Variants in SPIDR observed in about 807,000 individuals in gnomAD.
SPIDR encodes DNA repair-scaffolding protein.
SPIDR carries 93 observed loss-of-function variants against 104.6 expected under a neutral mutation model. The observed-to-expected ratio is 0.89, with a 90% CI of 0.75 to 1.06. The LOEUF is 1.06. SPIDR is among the 50% of genes least tolerant of loss of function. SPIDR has a pLI of 0.00. For missense variants in SPIDR, 1,154 were observed against 1,111.2 expected (o/e 1.04, Z -0.55); for synonymous variants, 431 against 416.9 (o/e 1.03, Z -0.41).
intron 14 of SPIDR, among the ~76,000 whole-genome samples, chr8:47,707,346 A>C (rs117514260): frequency 0.027 from 4,076 of 152,172 alleles, 283 homozygotes; most frequent in Admixed American, 0.15. Flanking sequence ...AATGTTGAAC[A>C]TCTTTTCATG....
intron 8 of SPIDR, among the ~76,000 whole-genome samples, chr8:47,540,479 A>G (rs1387329042): frequency 2.0e-5 from 3 of 152,214 alleles, no homozygotes; most frequent in African/African-American, 4.8e-5. Context: ...CAAAATGACA[A>G]TAAAATATTT....
intron 8 of SPIDR, among the ~76,000 whole-genome samples, chr8:47,557,413 G>A (rs1378806262): frequency 6.6e-6 from 1 of 152,162 alleles, no homozygotes; most frequent in Non-Finnish European, 1.5e-5. Flanking sequence ...ATAACAAGAA[G>A]GGCAGTTGCA....
intron 8 of SPIDR, among the ~76,000 whole-genome samples, chr8:47,505,932 A>G (rs1252711912): frequency 1.3e-5 from 2 of 152,180 alleles, no homozygotes; most frequent in East Asian, 3.8e-4. Flanking sequence ...CAGTGTATGT[A>G]ATTCCATTAT....
chr8:47,520,054 C>T (rs959280651), intron 8 of SPIDR, among the ~76,000 whole-genome samples: 2 of 152,124 alleles, frequency 1.3e-5, no homozygotes, highest in Admixed American at 6.6e-5. Flanking sequence ...GGTTAGCTAC[C>T]AATAATCTTA....
intron 8 of SPIDR, among the ~76,000 whole-genome samples, chr8:47,507,456 T>A (rs1472230879): frequency 6.6e-6 from 1 of 152,232 alleles, no homozygotes; most frequent in Non-Finnish European, 1.5e-5. Flanking sequence ...AACAGCCGAT[T>A]TCAGCTGCTC....
At chr8:47,261,422 GAC>G (rs1273824992) in intron 1 of SPIDR, among the ~76,000 whole-genome samples, 1 of 152,186 alleles carries the variant, frequency 6.6e-6, no homozygotes, top group Non-Finnish European at 1.5e-5. Flanking sequence ...ACTCGGAGGG[GAC>G]TGTGCGGCTG....
chr8:47,483,098 C>G lies in SPIDR; in HGVS notation c.1097+42556C>G, dbSNP rs578001872. ...CTGACCCAGCTATAGAGACCGTGCT[C>G]TTTCCCATTCAGAGAGTCATAGCTA... On this transcript the variant is annotated intron_variant, in intron 8 of 19. Transcript: ENST00000297423. 2.0e-5 allele frequency among the ~76,000 whole-genome samples: 3 copies of G among 152,010 alleles called. No homozygotes were observed. In the East Asian group the frequency reaches 5.8e-4, roughly 29 times the overall value.
intron 8 of SPIDR, among the ~76,000 whole-genome samples, chr8:47,549,813 G>T (rs1350190479): frequency 4.6e-5 from 7 of 152,110 alleles, no homozygotes; most frequent in African/African-American, 1.2e-4. Flanking sequence ...CCATTGCTTT[G>T]GGTGTTTTAG....
intron 8 of SPIDR, among the ~76,000 whole-genome samples, chr8:47,573,111 A>G (rs2058713098): frequency 6.6e-6 from 1 of 152,220 alleles, no homozygotes; most frequent in African/African-American, 2.4e-5. Flanking sequence ...TTGAAGTTCT[A>G]TTTAAAATGA....
chr8:47,679,060 G>T (rs2076784593), intron 11 of SPIDR, among the ~76,000 whole-genome samples: 1 of 152,062 alleles, frequency 6.6e-6, no homozygotes, highest in East Asian at 1.9e-4. Flanking sequence ...CTCATTAAGG[G>T]CCCAGCACTG....
chr8:47,696,998 C>T (rs2079421033), intron 11 of SPIDR, among the ~76,000 whole-genome samples: 1 of 152,184 alleles, frequency 6.6e-6, no homozygotes, highest in Admixed American at 6.5e-5. Context: ...GCGTGGCCCT[C>T]ATCTCCAGTA....
At chr8:47,263,055 CTG>C (rs900077955) in intron 1 of SPIDR, among the ~76,000 whole-genome samples, 3 of 152,140 alleles carry the variant, frequency 2.0e-5, no homozygotes, top group African/African-American at 7.2e-5. Context: ...TTTAACAGTC[CTG>C]TGAGGTAGAT....
chr8:47,571,780 A>C lies in SPIDR; in HGVS notation c.1098-24031A>C, dbSNP rs541176049. Among the ~76,000 whole-genome samples, 4 of 152,308 alleles carry C rather than the reference A, an allele frequency of 2.6e-5. No homozygotes were observed. In the South Asian group the frequency reaches 8.3e-4, roughly 32 times the overall value. ...AGGCAAAGTAAAGATTAACAACAAC[A>C]ATAATAAAGTAGAACAATTATAACA... is the stretch of plus-strand genomic sequence containing the variant. On this transcript the variant is annotated intron_variant, in intron 8 of 19. Transcript: ENST00000297423.
chr8:47,407,881 T>G lies in SPIDR; in HGVS notation c.797T>G (p.Leu266Arg), dbSNP rs782356541. ...AACAGAGGTGGACTAGCAGAAAGAC[T>G]AAATGGACTGCAGAATCGAGAGAGA... is the stretch of plus-strand genomic sequence containing the variant. ...KLLRGGLAER[L>R]NGLQNRERSA... Residue 266 changes from leucine (L) to arginine (R), a missense_variant, in exon 7 of 20, where the codon CTA becomes CGA. Leu to Arg is a moderately radical substitution (Grantham distance 102). Transcript: ENST00000297423. 12 of 1,601,336 alleles carry G rather than the reference T, an allele frequency of 7.5e-6. No individual in the cohort carries two copies. The South Asian group carries it at 1.3e-4, about 18-fold the overall frequency.
chr8:47,415,065 G>A (rs369436737), intron 7 of SPIDR, among the ~76,000 whole-genome samples: 5 of 152,056 alleles, frequency 3.3e-5, no homozygotes, highest in East Asian at 3.9e-4. Flanking sequence ...CACCACGCCT[G>A]GCTAATTTTT....
chr8:47,700,514 T>A, intron 12 of SPIDR, 24 bp downstream of exon 12: 2 of 1,613,570 alleles, frequency 1.2e-6, no homozygotes, highest in Non-Finnish European at 1.7e-6. Flanking sequence ...TGGAAAAACT[T>A]CCCCAGTCAC....
At chr8:47,674,489 TC>T (rs2076173317) in intron 11 of SPIDR, among the ~76,000 whole-genome samples, 1 of 152,094 alleles carries the variant, frequency 6.6e-6, no homozygotes, top group African/African-American at 2.4e-5. Context: ...ATCATTCTAA[TC>T]TATGAATTAG....
At chr8:47,467,970 GC>G (rs2075157777) in intron 8 of SPIDR, among the ~76,000 whole-genome samples, 1 of 152,058 alleles carries the variant, frequency 6.6e-6, no homozygotes, top group Admixed American at 6.6e-5. Context: ...ATAGTCTTGG[GC>G]CCAAAAGCTC....
intron 8 of SPIDR, among the ~76,000 whole-genome samples, chr8:47,458,262 G>A (rs921595692): frequency 6.6e-6 from 1 of 151,818 alleles, no homozygotes; most frequent in Non-Finnish European, 1.5e-5. Flanking sequence ...ACTTCTTTCA[G>A]CAGTGTTTTT....
Sources: allele counts gnomAD v4.1 joint callset (sites outside exome capture counted in the v4.1 genomes callset), GRCh38; gene constraint gnomAD v4.1.1; transcripts MANE v1.5; gene names NCBI Gene and HGNC (gene_info 2026-07-23, HGNC 2026-07-21).